The following KIZ variants were observed in gnomAD, a reference collection of about 807,000 sequenced individuals.
KIZ encodes kizuna centrosomal protein.
In KIZ, 68 loss-of-function variants were observed where a neutral mutation model predicts 79.6. The ratio of observed to expected loss-of-function variants is 0.85; its 90% CI spans 0.70 to 1.05. The LOEUF (loss-of-function observed/expected upper bound fraction) is 1.05, where lower values mean the gene tolerates loss of function less well. KIZ is among the 50% of genes least tolerant of loss of function. KIZ has a pLI of 0.00. For missense variants in KIZ, 797 were observed against 800.4 expected, an observed-to-expected ratio of 1.00 and a Z score of 0.05; for synonymous variants, 280 against 281.8, an observed-to-expected ratio of 0.99 and a Z score of 0.06.
intron 11 of KIZ, among the ~76,000 whole-genome samples, chr20:21,238,020 G>T (rs2037080564): frequency 6.6e-6 from 1 of 152,070 alleles, no homozygotes; most frequent in African/African-American, 2.4e-5. Flanking sequence ...TGGTAGAGAT[G>T]ATGTTTCGCC....
At position 21,136,473 on chromosome 20, in the gene KIZ, A is replaced by G. The variant is rs749025675; in HGVS notation, c.236A>G (p.Glu79Gly). The change falls in exon 3 of 13, where the codon GAA becomes GGA. Residue 79 changes from glutamate (E) to glycine (G), a missense_variant. Coordinates refer to ENST00000619189, the MANE Select transcript of KIZ (RefSeq NM_018474.6). The part of the protein sequence containing the change: ...SEKKAHTRNQ[E>G]YLKRFERVQA... ...AAGAAGGCTCATACTCGAAACCAAG[A>G]ATATTTAAAGCGATTTGAGCGTGTC... 235 of 1,595,718 alleles carry G rather than the reference A, an allele frequency of 1.5e-4. No homozygotes were observed. The highest frequency in any genetic ancestry group is 1.9e-4 in the Non-Finnish European group (227 of 1,168,764).
intron 9 of KIZ, among the ~76,000 whole-genome samples, chr20:21,216,883 T>C (rs1346880795): frequency 6.6e-6 from 1 of 152,248 alleles, no homozygotes; most frequent in Non-Finnish European, 1.5e-5. Flanking sequence ...CATCCCTTGC[T>C]GGGAGTAGTT....
chr20:21,130,400 T>C (rs2031765922), intron 1 of KIZ, among the ~76,000 whole-genome samples: 1 of 152,224 alleles, frequency 6.6e-6, no homozygotes, highest in Non-Finnish European at 1.5e-5. Context: ...TTCTTTGTAA[T>C]TTAATGACAA....
At chr20:21,243,138 TGTCA>T (rs1238729773) in intron 11 of KIZ, among the ~76,000 whole-genome samples, 2 of 152,104 alleles carry the variant, frequency 1.3e-5, no homozygotes, top group Non-Finnish European at 1.5e-5. Flanking sequence ...GCTCCAGGAC[TGTCA>T]GTCAGCTGCT....
At chr20:21,169,391 A>G (rs573862963) in intron 6 of KIZ, among the ~76,000 whole-genome samples, 29 of 152,242 alleles carry the variant, frequency 1.9e-4, no homozygotes, top group South Asian at 1.7e-3. Flanking sequence ...ACCATCTCAC[A>G]CCAGTTAGAA....
chr20:21,211,998 A>T (rs767147356), intron 7 of KIZ, among the ~76,000 whole-genome samples: 1 of 152,198 alleles, frequency 6.6e-6, no homozygotes, highest in Non-Finnish European at 1.5e-5. Flanking sequence ...CTGAGGCATG[A>T]GAATCACTTG....
chr20:21,190,035 T>G (rs1160746269), intron 6 of KIZ, among the ~76,000 whole-genome samples: 1 of 152,244 alleles, frequency 6.6e-6, no homozygotes, highest in African/African-American at 2.4e-5. Context: ...TTTCTACAAC[T>G]GTTTTGTGTG....
intron 6 of KIZ, among the ~76,000 whole-genome samples, chr20:21,185,072 G>GTGTGTGTGTGTGTGTGTGTGTGTGTC (rs1306366775): frequency 2.0e-5 from 3 of 152,222 alleles, no homozygotes; most frequent in African/African-American, 7.2e-5. Context: ...TTGTGTGTGT[G>GTGTGTGTGTGTGTGTGTGTGTGTGTC]TGTGTCTGTG....
chr20:21,203,128 T>C (rs1168567524), intron 6 of KIZ, among the ~76,000 whole-genome samples: 1 of 152,264 alleles, frequency 6.6e-6, no homozygotes, highest in Non-Finnish European at 1.5e-5. Flanking sequence ...GCGTTTGTTT[T>C]GTTTGAATCA....
rs150895913 is a variant in KIZ, at chr20:21,149,065, G to T, written c.405+3411G>T. ...TCATTTAATCTTCTCAACAACCCTG[G>T]AAGTAGAGGATATTGTTGTCCCCAT... On this transcript the variant is annotated intron_variant, in intron 4 of 12. Transcript: ENST00000619189. Among the ~76,000 whole-genome samples, 464 of 152,318 alleles carry T rather than the reference G, an allele frequency of 3.0e-3. 5 individuals carry two copies. Among genetic ancestry groups the T allele is most frequent in the African/African-American group, 0.011 (452 of 41,566 alleles).
intron 7 of KIZ, among the ~76,000 whole-genome samples, chr20:21,205,909 C>T (rs1184318837): frequency 2.0e-5 from 3 of 150,164 alleles, no homozygotes; most frequent in East Asian, 3.9e-4. Flanking sequence ...TGCAGTGAGC[C>T]GAGATCACGC....
intron 10 of KIZ, among the ~76,000 whole-genome samples, chr20:21,232,526 G>T (rs1302417100): frequency 2.0e-5 from 3 of 152,232 alleles, no homozygotes; most frequent in African/African-American, 4.8e-5. Flanking sequence ...TTGTGTTTCG[G>T]TATCACAGGA....
intron 12 of KIZ, chr20:21,245,745 G>A (rs550897849): frequency 6.6e-6 from 1 of 152,372 alleles, no homozygotes; most frequent in Admixed American, 6.5e-5. Context: ...GCCCTCACAA[G>A]GCAGCCCAAA....
intron 6 of KIZ, chr20:21,194,166 T>C (rs2035238171): frequency 1.3e-5 from 2 of 152,228 alleles, no homozygotes; most frequent in Admixed American, 6.5e-5. Context: ...TTATGTGCTT[T>C]AACTGTCGTT....
At chr20:21,155,125 A>G (rs1356816389) in intron 4 of KIZ, among the ~76,000 whole-genome samples, 5 of 152,230 alleles carry the variant, frequency 3.3e-5, no homozygotes, top group Non-Finnish European at 2.9e-5. Flanking sequence ...AAAGTTAAAC[A>G]TATAGTTACC....
At chr20:21,220,703 A>T (rs1309027965) in intron 9 of KIZ, among the ~76,000 whole-genome samples, 1 of 152,122 alleles carries the variant, frequency 6.6e-6, no homozygotes, top group East Asian at 1.9e-4. Context: ...CTGTACTCGC[A>T]TCCTGGCCTA....
At chr20:21,245,808 A>C (rs1600641434) in intron 12 of KIZ, 1 of 152,398 alleles carries the variant, frequency 6.6e-6, no homozygotes, top group South Asian at 2.1e-4. Context: ...CAACAGAGGC[A>C]AGTTGGTGGA....
chr20:21,163,239 T>G, intron 6 of KIZ, 80 bp downstream of exon 6: 1 of 953,220 alleles, frequency 1.0e-6, no homozygotes, highest in Non-Finnish European at 1.6e-6. Flanking sequence ...TGGGAATGTA[T>G]TATCGAGCAC....
At chr20:21,126,384 T>C (rs2031471978) in intron 1 of KIZ, among the ~76,000 whole-genome samples, 180 bp downstream of exon 1, 2 of 152,080 alleles carry the variant, frequency 1.3e-5, no homozygotes, top group Admixed American at 6.5e-5. Context: ...ACCCCCTGTA[T>C]TGGGGGTGGG....
Sources: allele counts gnomAD v4.1 joint callset (sites outside exome capture counted in the v4.1 genomes callset), GRCh38; gene constraint gnomAD v4.1.1; transcripts MANE v1.5; gene names NCBI Gene and HGNC (gene_info 2026-07-23, HGNC 2026-07-21).